PKD2: variants seen among roughly 807,000 people sequenced by gnomAD.
PKD2 encodes the protein polycystin 2, transient receptor potential cation channel.
Under a neutral mutation model 105.9 loss-of-function variants are expected in PKD2, and 48 were observed. The ratio of observed to expected loss-of-function variants is 0.45; its 90% CI spans 0.36 to 0.58. PKD2 has a LOEUF of 0.58. Ranked by LOEUF, PKD2 falls within the 20% of genes least tolerant of loss-of-function variation. The pLI is 0.00. For missense variants in PKD2, 1,078 were observed against 1,255.3 expected, an observed-to-expected ratio of 0.86 and a Z score of 2.13; for synonymous variants, 464 against 481.1, an observed-to-expected ratio of 0.96 and a Z score of 0.46.
intron 2 of PKD2, among the ~76,000 whole-genome samples, chr4:88,032,877 A>G (rs530706191): frequency 4.6e-5 from 7 of 152,338 alleles, no homozygotes; most frequent in African/African-American, 1.7e-4. Context: ...TCAGGCTTAG[A>G]GGAGTTAAAT....
chr4:88,070,795 C>G (rs966912082), intron 13 of PKD2, among the ~76,000 whole-genome samples: 3 of 149,014 alleles, frequency 2.0e-5, no homozygotes, highest in Non-Finnish European at 4.5e-5. Context: ...CCATGCCTGG[C>G]TAATTTTTAA....
At chr4:88,068,614 G>A (rs1345227070) in intron 13 of PKD2, among the ~76,000 whole-genome samples, 1 of 152,156 alleles carries the variant, frequency 6.6e-6, no homozygotes, top group Non-Finnish European at 1.5e-5. Context: ...CAGTGTTTGT[G>A]TCTCTATTTG....
At chr4:88,054,847 G>C (rs969066292) in intron 7 of PKD2, among the ~76,000 whole-genome samples, 3 of 151,412 alleles carry the variant, frequency 2.0e-5, no homozygotes, top group African/African-American at 7.3e-5. Context: ...GTAGAGACGG[G>C]GTTTCACCGT....
chr4:88,057,296 GT>G (rs951720942), intron 8 of PKD2, among the ~76,000 whole-genome samples: 11 of 147,586 alleles, frequency 7.5e-5, no homozygotes, highest in South Asian at 4.3e-4. Context: ...AGGCCCTGTT[GT>G]TTTTTTTTTA....
intron 9 of PKD2, among the ~76,000 whole-genome samples, chr4:88,060,583 A>C (rs1012171285): frequency 2.0e-5 from 3 of 152,112 alleles, no homozygotes; most frequent in African/African-American, 7.2e-5. Flanking sequence ...AAGATTCCTC[A>C]GACTTGTGGG....
At chr4:88,058,987 G>A (rs967187866) in intron 9 of PKD2, among the ~76,000 whole-genome samples, 27 of 152,050 alleles carry the variant, frequency 1.8e-4, no homozygotes, top group African/African-American at 5.1e-4. Flanking sequence ...TTCCATTTCA[G>A]TAAATTGTGT....
intron 2 of PKD2, 62 bp downstream of exon 2, chr4:88,019,633 C>A: frequency 5.4e-6 from 5 of 925,924 alleles, no homozygotes; most frequent in Non-Finnish European, 7.2e-6. Flanking sequence ...CTATCCAAAT[C>A]ATAATTAAAA....
At chr4:88,070,548 G>GTTAT (rs1296373655) in intron 13 of PKD2, among the ~76,000 whole-genome samples, 27 of 133,528 alleles carry the variant, frequency 2.0e-4, no homozygotes, top group East Asian at 6.3e-4. Flanking sequence ...AGCTCCTCTA[G>GTTAT]TTATTTATTT....
chr4:88,062,057 A>G (rs1183588582), intron 10 of PKD2, 53 bp downstream of exon 10: 1 of 885,130 alleles, frequency 1.1e-6, no homozygotes, highest in Non-Finnish European at 1.9e-6. Flanking sequence ...TAAAATGAGC[A>G]TTGTTTCACC....
chr4:88,019,229 C>T (rs1313193052), intron 1 of PKD2, among the ~76,000 whole-genome samples: 1 of 151,514 alleles, frequency 6.6e-6, no homozygotes, highest in African/African-American at 2.4e-5. Context: ...GAATTGTTGC[C>T]TTATGTTTTG....
In PKD2 at chr4:88,067,923, C is replaced by T. The variant is rs751383699; in HGVS notation, c.2384C>T (p.Ser795Phe). ...EREDLDLDHS[S>F]LPRPMSSRSF... ...GAGGACCTGGATTTGGATCACAGTTCTTTACCACGTCCCATGAGCAGCCGA... is the reference window on the plus strand; with the variant it reads ...GAGGACCTGGATTTGGATCACAGTTTTTTACCACGTCCCATGAGCAGCCGA... The change falls in exon 13 of 15, where the codon TCT (serine) becomes TTT (phenylalanine). Residue 795 changes from serine (S) to phenylalanine (F), a missense_variant. Around this residue, in one of 2 missense-constraint regions of PKD2, gnomAD observed 868 missense variants for 1,067.3 expected, o/e 0.81. Transcript: ENST00000237596. The T allele has an allele frequency of 6.2e-7, 1 of 1,614,006 alleles. No individual in the cohort carries two copies. Among genetic ancestry groups the T allele is most frequent in the South Asian group, 1.1e-5 (1 of 91,082 alleles).
intron 6 of PKD2, among the ~76,000 whole-genome samples, chr4:88,049,303 C>T (rs933480064): frequency 5.9e-5 from 9 of 152,194 alleles, no homozygotes; most frequent in Non-Finnish European, 1.5e-5. Context: ...TTCTTACCAC[C>T]TACCTAGAAG....
chr4:88,074,044 T>C (rs1321998304), intron 13 of PKD2, among the ~76,000 whole-genome samples: 1 of 151,556 alleles, frequency 6.6e-6, no homozygotes, highest in African/African-American at 2.4e-5. Flanking sequence ...TTTTATTAAA[T>C]AGTCTGCCAC....
intron 2 of PKD2, among the ~76,000 whole-genome samples, chr4:88,031,303 A>T (rs532290542): frequency 3.9e-5 from 6 of 152,232 alleles, no homozygotes; most frequent in Admixed American, 1.3e-4. Context: ...GATATTTTCA[A>T]TTTACAATGA....
At chr4:88,033,995 A>G (rs756153398) in intron 2 of PKD2, among the ~76,000 whole-genome samples, 2 of 152,192 alleles carry the variant, frequency 1.3e-5, no homozygotes, top group African/African-American at 4.8e-5. Context: ...TGGGGACACT[A>G]TGAACTCCTC....
chr4:88,068,213 G>A, intron 13 of PKD2, 152 bp downstream of exon 13: 5 of 761,068 alleles, frequency 6.6e-6, no homozygotes, highest in Admixed American at 2.0e-5. Flanking sequence ...GCTCATGCCT[G>A]TAATCCCACC....
intron 13 of PKD2, among the ~76,000 whole-genome samples, chr4:88,073,244 G>A (rs1721106584): frequency 6.6e-6 from 1 of 151,782 alleles, no homozygotes; most frequent in Non-Finnish European, 1.5e-5. Flanking sequence ...GGGAAAGCCG[G>A]GCACAGTGGC....
At chr4:88,052,703 C>G (rs1044733839) in intron 7 of PKD2, among the ~76,000 whole-genome samples, 2 of 152,042 alleles carry the variant, frequency 1.3e-5, no homozygotes, top group African/African-American at 4.8e-5. Flanking sequence ...CAGTAAGAGG[C>G]CTTTCAGTGT....
Position 88,075,650 on chromosome 4 carries a change from A to C in PKD2, c.2863A>C (p.Met955Leu), listed in dbSNP as rs200131001. Reference sequence around the variant, plus strand: ...ATCTTCCTCCCAATCTACAGAAGGCATGGAAGGTGCAGGTGGAAATGGGAG... The same window carrying C: ...ATCTTCCTCCCAATCTACAGAAGGCCTGGAAGGTGCAGGTGGAAATGGGAG... ...RPSSSQSTEG[M>L]EGAGGNGSSN... Residue 955 changes from methionine to leucine, a missense_variant, in exon 15 of 15, where the codon ATG (methionine) becomes CTG (leucine). By Grantham distance (15) the Met-to-Leu change is conservative. This residue lies in a region of PKD2 where 868 missense variants were observed against 1,067.3 expected (regional missense o/e 0.81). Transcript: ENST00000237596. 1 of 1,613,976 alleles carries C rather than the reference A, an allele frequency of 6.2e-7. No homozygotes were observed. Among genetic ancestry groups the C allele is most frequent in the East Asian group, 2.2e-5 (1 of 44,886 alleles).
Sources: allele counts gnomAD v4.1 joint callset (sites outside exome capture counted in the v4.1 genomes callset), GRCh38; gene constraint gnomAD v4.1.1; regional missense constraint gnomAD v4.1.1; transcripts MANE v1.5; gene names NCBI Gene and HGNC (gene_info 2026-07-23, HGNC 2026-07-21).